Variants in ITPR2 observed in about 807,000 individuals in gnomAD.
ITPR2 encodes the protein inositol 1,4,5-trisphosphate-gated calcium channel ITPR2.
In ITPR2, 207 loss-of-function variants were observed where a neutral mutation model predicts 317.1. That is an observed-to-expected ratio of 0.65 (90% CI 0.58 to 0.73). ITPR2 has a LOEUF of 0.73. Ranked by LOEUF, ITPR2 falls within the 30% of genes least tolerant of loss-of-function variation. ITPR2 has a pLI of 0.00. For synonymous variants in ITPR2, 1,156 were observed against 1,149.1 expected, an observed-to-expected ratio of 1.01 and a Z score of -0.12; for missense variants, 2,613 against 3,284.0, an observed-to-expected ratio of 0.80 and a Z score of 4.99.
chr12:26,696,227 C>T (rs988208769), intron 9 of ITPR2, among the ~76,000 whole-genome samples: 4 of 152,110 alleles, frequency 2.6e-5, no homozygotes, highest in African/African-American at 9.7e-5. Flanking sequence ...TGAGTACAGA[C>T]CCTTGCATCA....
intron 15 of ITPR2, among the ~76,000 whole-genome samples, chr12:26,661,825 T>G (rs2136917237): frequency 6.6e-6 from 1 of 152,252 alleles, no homozygotes; most frequent in South Asian, 2.1e-4. Flanking sequence ...GGTCCGATAC[T>G]GGGAGCATCC....
intron 45 of ITPR2, among the ~76,000 whole-genome samples, chr12:26,469,860 T>C (rs1268413674): frequency 2.0e-5 from 3 of 152,238 alleles, no homozygotes; most frequent in Admixed American, 6.5e-5. Context: ...TCAGTGTTTG[T>C]AAAAATCTTG....
At chr12:26,465,216 GCTGGGCAAAAA>G (rs1942140654) in intron 45 of ITPR2, among the ~76,000 whole-genome samples, 1 of 152,178 alleles carries the variant, frequency 6.6e-6, no homozygotes, top group South Asian at 2.1e-4. Context: ...AGGAGATTGC[GCTGGGCAAAAA>G]CTAAGTGAAG....
rs555631922 is a variant in ITPR2 at position 26,699,702 on chromosome 12, A to C, written c.952-4052T>G. 1.1e-3 allele frequency among the ~76,000 whole-genome samples: 170 copies of C among 152,294 alleles called. 1 individual carries two copies. Among genetic ancestry groups the C allele is most frequent in the Non-Finnish European group, 1.7e-3 (116 of 68,022 alleles). ...AAGAAGGACAAAAAGCCACCCAAATAAATCCAGGGCCATATAAATTTACCA... is the reference window on the plus strand; with the variant it reads ...AAGAAGGACAAAAAGCCACCCAAATCAATCCAGGGCCATATAAATTTACCA... On this transcript the variant is annotated intron_variant, in intron 9 of 56. Transcript: ENST00000381340.
In ITPR2 at chr12:26,824,756, G is replaced by T. The variant is rs190613411; in HGVS notation, c.92+7934C>A. ...ATCATCTACATACTCACCATAAAGG[G>T]TCAACCACTGCTAATATGCTGTTCT... On this transcript the variant is annotated intron_variant, in intron 1 of 56. Transcript: ENST00000381340. Among the ~76,000 whole-genome samples the T allele has an allele frequency of 3.1e-3, 477 of 152,176 alleles. 6 individuals carry two copies. The highest frequency in any genetic ancestry group is 0.011 in the African/African-American group (457 of 41,506).
At position 26,599,141 on chromosome 12, in the gene ITPR2, A is replaced by T; in HGVS notation, c.4002+4T>A. 1 of 1,613,456 alleles carries T rather than the reference A, an allele frequency of 6.2e-7. No individual in the cohort carries two copies. Among genetic ancestry groups the T allele is most frequent in the Non-Finnish European group, 8.5e-7 (1 of 1,179,354 alleles). Reference sequence around the variant, plus strand: ...AGCTGATAAAAGGCAAACTGAGAACATACCTCTGTCATTACCATATCCTGG... The same window carrying T: ...AGCTGATAAAAGGCAAACTGAGAACTTACCTCTGTCATTACCATATCCTGG... On this transcript the variant is annotated splice_donor_region_variant and intron_variant, in intron 30 of 56. Coordinates refer to ENST00000381340, the MANE Select transcript of ITPR2 (RefSeq NM_002223.4).
chr12:26,391,936 T>G (rs1389584657), intron 54 of ITPR2, among the ~76,000 whole-genome samples: 2 of 152,118 alleles, frequency 1.3e-5, no homozygotes, highest in Non-Finnish European at 2.9e-5. Flanking sequence ...GTGGCAGGAT[T>G]CAGGGGAAGA....
intron 36 of ITPR2, among the ~76,000 whole-genome samples, chr12:26,552,082 C>T (rs192627267): frequency 1.6e-3 from 245 of 152,212 alleles, no homozygotes; most frequent in African/African-American, 5.6e-3. Flanking sequence ...AGAGAAGACC[C>T]ACAGCAGAGA....
intron 8 of ITPR2, 55 bp from the exon 9 acceptor site, chr12:26,711,323 C>T: frequency 8.5e-7 from 1 of 1,175,580 alleles, no homozygotes. Flanking sequence ...TCCTGGCAAG[C>T]AAACACCAAC....
intron 37 of ITPR2, among the ~76,000 whole-genome samples, chr12:26,539,805 C>T (rs566941503): frequency 1.3e-5 from 2 of 152,308 alleles, no homozygotes; most frequent in South Asian, 2.1e-4. Context: ...TACAAAGAAA[C>T]CTGCTGTTAC....
At chr12:26,412,283 T>C (rs1283109069) in intron 51 of ITPR2, among the ~76,000 whole-genome samples, 1 of 152,160 alleles carries the variant, frequency 6.6e-6, no homozygotes, top group African/African-American at 2.4e-5. Context: ...AGCTGGAGTT[T>C]GAAGGAAACA....
chr12:26,459,351 T>C (rs1014497608), intron 45 of ITPR2, among the ~76,000 whole-genome samples: 2 of 152,248 alleles, frequency 1.3e-5, no homozygotes, highest in African/African-American at 4.8e-5. Context: ...ATGGCTGAGC[T>C]GCTTTGAGTC....
chr12:26,342,820 G>A (rs1329838060), intron 55 of ITPR2, among the ~76,000 whole-genome samples: 1 of 151,964 alleles, frequency 6.6e-6, no homozygotes, highest in African/African-American at 2.4e-5. Flanking sequence ...TGTTGGTCAG[G>A]CTAGTCTTGA....
intron 35 of ITPR2, among the ~76,000 whole-genome samples, chr12:26,559,185 T>G (rs146087755): frequency 6.6e-6 from 1 of 152,342 alleles, no homozygotes; most frequent in African/African-American, 2.4e-5. Flanking sequence ...ACACTCAGAA[T>G]TCACAGTGAT....
intron 2 of ITPR2, among the ~76,000 whole-genome samples, chr12:26,732,906 T>G (rs991452336): frequency 6.6e-6 from 1 of 152,186 alleles, no homozygotes; most frequent in Admixed American, 6.5e-5. Context: ...TGGCAAGATC[T>G]CCTCAAAAAG....
intron 37 of ITPR2, among the ~76,000 whole-genome samples, chr12:26,502,832 T>C (rs1248109826): frequency 1.3e-5 from 2 of 152,138 alleles, no homozygotes; most frequent in Non-Finnish European, 2.9e-5. Context: ...TCCTAGACAA[T>C]GGGGAAAGTC....
chr12:26,656,584 T>C (rs780028542), intron 18 of ITPR2, 36 bp from the exon 19 acceptor site: 2 of 1,607,286 alleles, frequency 1.2e-6, no homozygotes, highest in Middle Eastern at 1.7e-4. Flanking sequence ...TATTGTCTTA[T>C]CTCAAGGAAA....
chr12:26,784,363 C>CCACGGTCTCCT (rs1950166697), intron 2 of ITPR2, among the ~76,000 whole-genome samples: 1 of 66,772 alleles, frequency 1.5e-5, no homozygotes, highest in Non-Finnish European at 3.8e-5. Context: ...CTCCCTCTCC[C>CCACGGTCTCCT]TCCACGGTCT....
intron 32 of ITPR2, among the ~76,000 whole-genome samples, chr12:26,586,881 T>C (rs572823410): frequency 1.1e-4 from 16 of 152,306 alleles, no homozygotes; most frequent in African/African-American, 3.8e-4. Context: ...CTCCTTTCTC[T>C]ATAGTAATTG....
Sources: allele counts gnomAD v4.1 joint callset (sites outside exome capture counted in the v4.1 genomes callset), GRCh38; gene constraint gnomAD v4.1.1; transcripts MANE v1.5; gene names NCBI Gene and HGNC (gene_info 2026-07-23, HGNC 2026-07-21).